The following OPCML variants were observed in gnomAD, a reference collection of about 807,000 sequenced individuals.
The protein encoded by OPCML is opioid-binding protein/cell adhesion molecule.
In OPCML, 13 loss-of-function variants were observed where a neutral mutation model predicts 37.8. That is an observed-to-expected ratio of 0.34 (90% CI 0.22 to 0.55). OPCML has a LOEUF of 0.55. Among genes scored for constraint, OPCML ranks in the 20% least tolerant of loss-of-function variants. OPCML has a pLI of 0.91. For missense variants in OPCML, 341 were observed against 435.6 expected (o/e 0.78, Z 1.93); for synonymous variants, 176 against 168.8 (o/e 1.04, Z -0.33).
chr11:133,128,925 C>T (rs1949561861), intron 1 of OPCML, among the ~76,000 whole-genome samples: 1 of 152,108 alleles, frequency 6.6e-6, no homozygotes, highest in Non-Finnish European at 1.5e-5. Flanking sequence ...GTTTTGCCCT[C>T]CTACCTGAAA....
chr11:132,709,369 G>A (rs1351722158), intron 2 of OPCML, among the ~76,000 whole-genome samples: 2 of 152,128 alleles, frequency 1.3e-5, no homozygotes, highest in Non-Finnish European at 2.9e-5. Flanking sequence ...TAAAAACCAT[G>A]GTACAATAAT....
chr11:133,003,952 T>G, intron 1 of OPCML: 2 of 985,402 alleles, frequency 2.0e-6, no homozygotes, highest in Non-Finnish European at 2.4e-6. Context: ...CCCGGCACAC[T>G]GTCCCGTGGG....
At chr11:133,175,784 C>T (rs1950364157) in intron 1 of OPCML, among the ~76,000 whole-genome samples, 3 of 151,912 alleles carry the variant, frequency 2.0e-5, no homozygotes, top group African/African-American at 7.3e-5. Context: ...AATTCTATCT[C>T]CCTTCGCAGC....
intron 1 of OPCML, among the ~76,000 whole-genome samples, chr11:132,995,161 G>A (rs2136828365): frequency 6.6e-6 from 1 of 152,338 alleles, no homozygotes; most frequent in Non-Finnish European, 1.5e-5. Flanking sequence ...TGGTCAGAGA[G>A]AGCTTTGCCA....
At chr11:132,797,504 C>T (rs540967429) in intron 2 of OPCML, among the ~76,000 whole-genome samples, 1 of 152,302 alleles carries the variant, frequency 6.6e-6, no homozygotes, top group East Asian at 1.9e-4. Flanking sequence ...TTCCAGACCA[C>T]CTCAATAAAG....
At chr11:133,370,630 A>G (rs1944653747) in intron 1 of OPCML, among the ~76,000 whole-genome samples, 1 of 152,180 alleles carries the variant, frequency 6.6e-6, no homozygotes, top group Non-Finnish European at 1.5e-5. Flanking sequence ...ATGGATCAGA[A>G]GAATTAATGT....
intron 1 of OPCML, among the ~76,000 whole-genome samples, chr11:133,409,644 T>C (rs1026453717): frequency 5.3e-5 from 8 of 152,158 alleles, no homozygotes; most frequent in Non-Finnish European, 1.5e-5. Flanking sequence ...AAACTGAGAT[T>C]TGGACCAAAG....
intron 1 of OPCML, among the ~76,000 whole-genome samples, chr11:133,454,080 G>A (rs1035355483): frequency 1.3e-5 from 2 of 152,150 alleles, no homozygotes; most frequent in East Asian, 1.9e-4. Flanking sequence ...GATAGTCGGC[G>A]ATTCTCCTTA....
chr11:133,319,493 C>G lies in OPCML; in HGVS notation c.61+212771G>C, dbSNP rs75206600. On this transcript the variant is annotated intron_variant, in intron 1 of 7. Coordinates refer to ENST00000524381, the MANE Select transcript of OPCML (RefSeq NM_001012393.5). The stretch of plus-strand genomic sequence containing the variant: ...TGGGATTTGTTGCGCTTAGTGGCAA[C>G]GCTTCTGTGATCTTCCAGAAAGGAA... 3.3e-5 allele frequency among the ~76,000 whole-genome samples: 5 copies of G among 152,184 alleles called. No individual in the cohort carries two copies. In the South Asian group the frequency reaches 1.0e-3, roughly 32 times the overall value.
chr11:132,977,957 G>T (rs1439601271), intron 1 of OPCML, among the ~76,000 whole-genome samples: 1 of 152,152 alleles, frequency 6.6e-6, no homozygotes, highest in Non-Finnish European at 1.5e-5. Flanking sequence ...AGCAGAAATG[G>T]GCCAGAGGAG....
chr11:133,150,993 G>A (rs980636584), intron 1 of OPCML, among the ~76,000 whole-genome samples: 2 of 152,018 alleles, frequency 1.3e-5, no homozygotes, highest in South Asian at 2.1e-4. Flanking sequence ...ATAATTCGTC[G>A]GCCAGGTGCG....
intron 2 of OPCML, among the ~76,000 whole-genome samples, chr11:132,701,086 C>A (rs1245121904): frequency 6.6e-6 from 1 of 151,942 alleles, no homozygotes; most frequent in African/African-American, 2.4e-5. Context: ...AAAGACATAC[C>A]CAAGACTGGG....
chr11:133,251,739 G>A (rs555415113), intron 1 of OPCML, among the ~76,000 whole-genome samples: 33 of 152,148 alleles, frequency 2.2e-4, no homozygotes, highest in Non-Finnish European at 3.7e-4. Flanking sequence ...CCAGGCATTC[G>A]AAAGTGCTAA....
intron 3 of OPCML, among the ~76,000 whole-genome samples, chr11:132,635,895 T>C (rs558083131): frequency 2.0e-5 from 3 of 152,182 alleles, no homozygotes; most frequent in Non-Finnish European, 4.4e-5. Context: ...GAAGCAGCTT[T>C]CAGGCTACAT....
chr11:132,658,946 T>G (rs940084674), intron 2 of OPCML, among the ~76,000 whole-genome samples: 1 of 151,734 alleles, frequency 6.6e-6, no homozygotes, highest in African/African-American at 2.4e-5. Context: ...ATGAAACTAT[T>G]TTTTTTTATT....
At chr11:133,434,947 G>T (rs995103535) in intron 1 of OPCML, among the ~76,000 whole-genome samples, 1 of 150,968 alleles carries the variant, frequency 6.6e-6, no homozygotes, top group Non-Finnish European at 1.5e-5. Context: ...GACATGAAAG[G>T]TCCACCATAC....
At chr11:133,473,417 G>A (rs1473627523) in intron 1 of OPCML, among the ~76,000 whole-genome samples, 2 of 152,152 alleles carry the variant, frequency 1.3e-5, no homozygotes, top group Non-Finnish European at 2.9e-5. Flanking sequence ...TAGGTTTGCT[G>A]ACTTTAAAGT....
intron 4 of OPCML, among the ~76,000 whole-genome samples, chr11:132,439,428 T>A (rs1314256138): frequency 2.0e-5 from 3 of 152,216 alleles, no homozygotes; most frequent in African/African-American, 7.2e-5. Flanking sequence ...ATGGTGCTAC[T>A]GGATCAAAAG....
intron 1 of OPCML, among the ~76,000 whole-genome samples, chr11:133,333,892 A>T (rs988038267): frequency 1.3e-5 from 2 of 152,230 alleles, no homozygotes; most frequent in African/African-American, 4.8e-5. Context: ...TTAAAAAAAA[A>T]GTTCAATATC....
Sources: allele counts gnomAD v4.1 joint callset (sites outside exome capture counted in the v4.1 genomes callset), GRCh38; gene constraint gnomAD v4.1.1; transcripts MANE v1.5; gene names NCBI Gene and HGNC (gene_info 2026-07-23, HGNC 2026-07-21).